Variants in GPC6 observed in about 807,000 individuals in gnomAD.
The protein encoded by GPC6 is glypican 6.
GPC6 carries 14 observed loss-of-function variants against 55.2 expected under a neutral mutation model. That is an observed-to-expected ratio of 0.25 (90% confidence interval 0.17 to 0.40). GPC6 has a LOEUF of 0.40. Among genes scored for constraint, GPC6 ranks in the 10% least tolerant of loss-of-function variants. GPC6 has a pLI of 1.00. For missense variants in GPC6, 641 were observed against 708.5 expected, an observed-to-expected ratio of 0.90 and a Z score of 1.08; for synonymous variants, 278 against 259.6, an observed-to-expected ratio of 1.07 and a Z score of -0.68.
intron 2 of GPC6, among the ~76,000 whole-genome samples, chr13:93,586,323 G>T (rs1329210006): frequency 6.6e-6 from 1 of 152,072 alleles, no homozygotes; most frequent in Non-Finnish European, 1.5e-5. Context: ...AGTATTCCAT[G>T]GTGTATATGT....
chr13:93,918,481 A>G (rs2140342552), intron 3 of GPC6, among the ~76,000 whole-genome samples: 1 of 152,218 alleles, frequency 6.6e-6, no homozygotes, highest in Non-Finnish European at 1.5e-5. Context: ...TGGGACATGG[A>G]TCCTCTTTAT....
chr13:93,884,860 C>T (rs1399535558), intron 3 of GPC6, among the ~76,000 whole-genome samples: 3 of 152,054 alleles, frequency 2.0e-5, no homozygotes, highest in African/African-American at 4.8e-5. Context: ...AGATGTGAAA[C>T]GTTACAAGAG....
intron 2 of GPC6, among the ~76,000 whole-genome samples, chr13:93,674,336 A>T (rs1490435628): frequency 6.6e-6 from 1 of 152,178 alleles, no homozygotes; most frequent in Non-Finnish European, 1.5e-5. Context: ...TATCCTTTCT[A>T]AAGTAGCTTG....
Position 93,612,386 on chromosome 13 carries a change from C to A in GPC6, c.319+66965C>A, listed in dbSNP as rs143178457. Among the ~76,000 whole-genome samples the A allele has an allele frequency of 2.1e-3, 323 of 152,154 alleles. 1 individual carries two copies. Among genetic ancestry groups the A allele is most frequent in the African/African-American group, 7.3e-3 (304 of 41,516 alleles). ...TGGTGGCACGTACCTGTTGTCCCAG[C>A]TACTAGGGAGGCTGAGGCAGGAGAA... On this transcript the variant is annotated intron_variant, in intron 2 of 8. Transcript: ENST00000377047.
intron 2 of GPC6, among the ~76,000 whole-genome samples, chr13:93,756,602 A>G (rs1884779334): frequency 6.6e-6 from 1 of 152,202 alleles, no homozygotes; most frequent in South Asian, 2.1e-4. Context: ...ACCAATGCCA[A>G]GGCAGAAGCA....
intron 3 of GPC6, among the ~76,000 whole-genome samples, chr13:93,958,746 T>C (rs1018024689): frequency 1.3e-5 from 2 of 152,184 alleles, no homozygotes; most frequent in African/African-American, 4.8e-5. Context: ...GTTGGTAATT[T>C]TATATTTAAT....
At chr13:93,395,304 C>T in intron 1 of GPC6, 1 of 486,704 alleles carries the variant, frequency 2.1e-6, no homozygotes, top group Non-Finnish European at 3.9e-6. Flanking sequence ...GATGAAGCAC[C>T]AGCCATCTCT....
chr13:94,322,955 G>A (rs1876911861), intron 6 of GPC6, among the ~76,000 whole-genome samples: 1 of 152,092 alleles, frequency 6.6e-6, no homozygotes. Flanking sequence ...TGGCACACAT[G>A]TGTATTTTGT....
At chr13:93,425,506 C>T (rs543889999) in intron 1 of GPC6, among the ~76,000 whole-genome samples, 31 of 152,284 alleles carry the variant, frequency 2.0e-4, no homozygotes, top group Admixed American at 1.8e-3. Context: ...AAGATTAAAC[C>T]GGTTTCACCA....
intron 4 of GPC6, among the ~76,000 whole-genome samples, chr13:94,090,878 T>G (rs1885456073): frequency 6.6e-6 from 1 of 152,172 alleles, no homozygotes; most frequent in South Asian, 2.1e-4. Flanking sequence ...ATTGTAATGT[T>G]TGAAATGATT....
chr13:94,318,640 A>G (rs1430624516), intron 6 of GPC6, among the ~76,000 whole-genome samples: 2 of 152,168 alleles, frequency 1.3e-5, no homozygotes, highest in African/African-American at 4.8e-5. Flanking sequence ...TGTTTCTAGA[A>G]TTGTCCATTT....
chr13:93,765,288 A>AACT (rs1885089026), intron 2 of GPC6, among the ~76,000 whole-genome samples: 8 of 113,916 alleles, frequency 7.0e-5, no homozygotes, highest in African/African-American at 1.7e-4. Context: ...TTTCCAGATA[A>AACT]GCTGTCTGGA....
At chr13:94,089,247 T>C (rs7329222) in intron 4 of GPC6, among the ~76,000 whole-genome samples, 120,472 of 152,126 alleles carry the variant, frequency 0.79, 48,030 homozygotes, top group South Asian at 0.88. Context: ...TGCACTGTGA[T>C]TGGGCTGATA....
At chr13:93,853,954 G>A (rs1026604366) in intron 3 of GPC6, among the ~76,000 whole-genome samples, 3 of 151,590 alleles carry the variant, frequency 2.0e-5, no homozygotes, top group African/African-American at 4.8e-5. Flanking sequence ...GTCAGGTGTC[G>A]GAATTGCTTT....
At chr13:94,192,282 G>A (rs1889420586) in intron 4 of GPC6, among the ~76,000 whole-genome samples, 1 of 152,156 alleles carries the variant, frequency 6.6e-6, no homozygotes, top group Non-Finnish European at 1.5e-5. Context: ...ATAAAGTATA[G>A]AAAGATTTTG....
intron 2 of GPC6, among the ~76,000 whole-genome samples, chr13:93,691,222 C>T (rs1378414216): frequency 6.6e-6 from 1 of 152,082 alleles, no homozygotes; most frequent in Admixed American, 6.6e-5. Context: ...CTCCAGCCTC[C>T]TTTCTCTACC....
At chr13:93,302,905 A>G (rs1217318441) in intron 1 of GPC6, among the ~76,000 whole-genome samples, 1 of 152,206 alleles carries the variant, frequency 6.6e-6, no homozygotes, top group Non-Finnish European at 1.5e-5. Context: ...CAGTCACCTC[A>G]CTTCTACTTA....
chr13:93,931,490 G>A (rs9561476), intron 3 of GPC6, among the ~76,000 whole-genome samples: 47,129 of 150,890 alleles, frequency 0.31, 7,633 homozygotes, highest in Admixed American at 0.41. Flanking sequence ...AGGCGTAGTG[G>A]CTCACGCTCA....
At chr13:93,296,668 A>C (rs994231352) in intron 1 of GPC6, among the ~76,000 whole-genome samples, 3 of 152,234 alleles carry the variant, frequency 2.0e-5, no homozygotes, top group African/African-American at 7.2e-5. Flanking sequence ...CTACCTCCAG[A>C]AACAACTAAC....
Sources: allele counts gnomAD v4.1 joint callset (sites outside exome capture counted in the v4.1 genomes callset), GRCh38; gene constraint gnomAD v4.1.1; transcripts MANE v1.5; gene names NCBI Gene and HGNC (gene_info 2026-07-23, HGNC 2026-07-21).